QTGAL: variants seen among roughly 807,000 people sequenced by gnomAD.
QTGAL encodes BGnT-like protein 1.
the QTGAL span, among the ~76,000 whole-genome samples, chr17:83,024,633 CA>C: frequency 6.6e-6 from 1 of 152,254 alleles, no homozygotes; most frequent in African/African-American, 2.4e-5. Flanking sequence ...GACTCTGGCC[CA>C]GGGGTGAATC....
chr17:83,048,805 G>A, the QTGAL span: 4 of 1,594,336 alleles, frequency 2.5e-6, no homozygotes, highest in African/African-American at 2.7e-5. Context: ...AAAAGAAATG[G>A]ATTAACAGAA....
the QTGAL span, among the ~76,000 whole-genome samples, chr17:83,033,761 G>A: frequency 4.6e-5 from 7 of 152,030 alleles, no homozygotes; most frequent in Admixed American, 6.5e-5. Flanking sequence ...GTGAGCCACC[G>A]CGCCCGGCCT....
chr17:82,950,631 C>T, the QTGAL span, among the ~76,000 whole-genome samples: 4 of 152,174 alleles, frequency 2.6e-5, no homozygotes, highest in Non-Finnish European at 2.9e-5. Flanking sequence ...TTGGCGGCTA[C>T]GGCCTTAGAA....
the QTGAL span, among the ~76,000 whole-genome samples, chr17:82,990,124 C>G: frequency 1.3e-5 from 2 of 152,268 alleles, no homozygotes; most frequent in African/African-American, 2.4e-5. Flanking sequence ...GTCTTCCATG[C>G]TGTGCTTCTG....
the QTGAL span, chr17:82,942,630 T>A: frequency 1.2e-6 from 1 of 819,184 alleles, no homozygotes; most frequent in African/African-American, 1.7e-5. Flanking sequence ...GCACCTGCGC[T>A]CTGGTGACTT....
the QTGAL span, chr17:82,957,534 C>T: frequency 3.4e-5 from 53 of 1,551,260 alleles, no homozygotes; most frequent in Non-Finnish European, 4.5e-5. Flanking sequence ...CCGGAGGCCC[C>T]ACAGATGCAC....
chr17:83,005,109 AG>A, the QTGAL span: 1 of 1,596,348 alleles, frequency 6.3e-7, no homozygotes, highest in South Asian at 1.1e-5. This position sits in a 1 kb window ranked among gnomAD's most constrained non-coding sequence, Gnocchi z 5.6. Context: ...GCGCCAGGCG[AG>A]GTACCTGGGT....
the QTGAL span, among the ~76,000 whole-genome samples, chr17:82,955,722 A>G: frequency 0.26 from 39,971 of 152,162 alleles, 5,520 homozygotes; most frequent in East Asian, 0.43. Flanking sequence ...AGCACCATTC[A>G]CAATAGCAAA....
the QTGAL span, chr17:83,005,845 C>T: frequency 7.5e-7 from 1 of 1,330,258 alleles, no homozygotes; most frequent in Non-Finnish European, 9.9e-7. The surrounding 1 kb of genome is among the most constrained non-coding windows in gnomAD (Gnocchi z 5.6). Context: ...CTCAACCCTT[C>T]CCCCGCCCTC....
chr17:83,048,846 C>A, the QTGAL span: 3 of 1,396,480 alleles, frequency 2.1e-6, no homozygotes, highest in Admixed American at 1.7e-5. Context: ...TTCCATGGCT[C>A]TAATTTACCT....
At chr17:82,986,631 G>A in the QTGAL span, among the ~76,000 whole-genome samples, 1 of 152,222 alleles carries the variant, frequency 6.6e-6, no homozygotes, top group Non-Finnish European at 1.5e-5. Flanking sequence ...GATGCGGAAA[G>A]CAAAGCTCAT....
At chr17:82,991,776 C>T in the QTGAL span, among the ~76,000 whole-genome samples, 1 of 152,062 alleles carries the variant, frequency 6.6e-6, no homozygotes, top group Non-Finnish European at 1.5e-5. Context: ...TCAGAGAATT[C>T]AAAGTAGTTG....
the QTGAL span, among the ~76,000 whole-genome samples, chr17:83,010,286 C>T: frequency 1.3e-5 from 2 of 152,154 alleles, no homozygotes; most frequent in African/African-American, 2.4e-5. Context: ...ATGTTGAAGG[C>T]GAAGGTGAAG....
chr17:83,006,285 A>T, the QTGAL span: 1 of 985,562 alleles, frequency 1.0e-6, no homozygotes, highest in South Asian at 4.7e-5. The surrounding 1 kb of genome is among the most constrained non-coding windows in gnomAD (Gnocchi z 5.8). Context: ...CAACTTGTGT[A>T]GCGTTTACGC....
chr17:82,993,835 A>G, the QTGAL span, among the ~76,000 whole-genome samples: 1 of 152,090 alleles, frequency 6.6e-6, no homozygotes, highest in Non-Finnish European at 1.5e-5. Flanking sequence ...ATGGACTAAA[A>G]CTAGAAATCA....
At chr17:83,026,078 A>C in the QTGAL span, among the ~76,000 whole-genome samples, 1 of 152,216 alleles carries the variant, frequency 6.6e-6, no homozygotes, top group South Asian at 2.1e-4. Flanking sequence ...AAGAAAACCC[A>C]CATGGCCAAG....
At chr17:83,005,190 C>G in the QTGAL span, 1 of 1,609,174 alleles carries the variant, frequency 6.2e-7, no homozygotes, top group Non-Finnish European at 8.5e-7. This position sits in a 1 kb window ranked among gnomAD's most constrained non-coding sequence, Gnocchi z 5.6. Flanking sequence ...GGGGATCTCT[C>G]CTCACTCTGC....
At chr17:82,959,577 C>T in the QTGAL span, among the ~76,000 whole-genome samples, 2 of 151,848 alleles carry the variant, frequency 1.3e-5, no homozygotes, top group African/African-American at 4.8e-5. Context: ...CCTTAGCAGC[C>T]CGGGTGTGTT....
chr17:83,040,029 C>T, the QTGAL span, among the ~76,000 whole-genome samples: 1 of 152,210 alleles, frequency 6.6e-6, no homozygotes, highest in Non-Finnish European at 1.5e-5. Flanking sequence ...CTGTAAGACT[C>T]CCTCAGGACC....
Sources: gnomAD v4.1 joint callset for allele counts (sites outside exome capture counted in the v4.1 genomes callset) on GRCh38, gnomAD v4.1.1 for gene constraint, Gnocchi (gnomAD v3.1) non-coding constraint, MANE v1.5 for transcripts, NCBI Gene and HGNC (gene_info 2026-07-23, HGNC 2026-07-21) for gene names.